The following SLC4A4 variants were observed in gnomAD, a reference collection of about 807,000 sequenced individuals.
The protein encoded by SLC4A4 is solute carrier family 4 member 4, also known as electrogenic sodium bicarbonate cotransporter 1.
SLC4A4 carries 27 observed loss-of-function variants against 111.5 expected under a neutral mutation model. The observed-to-expected ratio is 0.24, with a 90% CI of 0.18 to 0.33. The LOEUF (loss-of-function observed/expected upper bound fraction) is 0.33. Among genes scored for constraint, SLC4A4 ranks in the 10% least tolerant of loss-of-function variants. The pLI is 1.00. For synonymous variants in SLC4A4, 443 were observed against 463.4 expected, an observed-to-expected ratio of 0.96 and a Z score of 0.57; for missense variants, 909 against 1,315.5, an observed-to-expected ratio of 0.69 and a Z score of 4.78.
intron 13 of SLC4A4, among the ~76,000 whole-genome samples, chr4:71,467,645 A>G (rs1457869547): frequency 1.3e-5 from 2 of 152,102 alleles, no homozygotes; most frequent in Non-Finnish European, 2.9e-5. Flanking sequence ...TCTAATGGAC[A>G]TTGCAATTAT....
intron 3 of SLC4A4, among the ~76,000 whole-genome samples, chr4:71,281,724 T>C (rs1254374185): frequency 6.6e-6 from 1 of 152,202 alleles, no homozygotes; most frequent in Non-Finnish European, 1.5e-5. Context: ...TGTATTATAT[T>C]AAGTGTTTAA....
chr4:71,398,614 A>T (rs962726903), intron 7 of SLC4A4, among the ~76,000 whole-genome samples: 18 of 152,176 alleles, frequency 1.2e-4, no homozygotes, highest in African/African-American at 2.2e-4. Flanking sequence ...CAATATATTT[A>T]AAAAAATCAT....
intron 3 of SLC4A4, among the ~76,000 whole-genome samples, chr4:71,286,050 A>G (rs1375253706): frequency 1.3e-5 from 2 of 152,142 alleles, no homozygotes; most frequent in African/African-American, 4.8e-5. Context: ...CGTTCTGGCT[A>G]ACACAGTGAA....
At chr4:71,397,058 G>T (rs1319203624) in intron 6 of SLC4A4, among the ~76,000 whole-genome samples, 5 of 152,190 alleles carry the variant, frequency 3.3e-5, no homozygotes, top group Non-Finnish European at 7.4e-5. Context: ...GTTAGCCAGA[G>T]AAGGGAACAC....
At chr4:71,347,010 A>G (rs1229632390) in intron 4 of SLC4A4, among the ~76,000 whole-genome samples, 1 of 152,172 alleles carries the variant, frequency 6.6e-6, no homozygotes, top group Admixed American at 6.6e-5. Context: ...AGATTTTAAG[A>G]AACTGGCTAG....
chr4:71,477,685 A>C (rs1728492956), intron 14 of SLC4A4, among the ~76,000 whole-genome samples: 1 of 151,800 alleles, frequency 6.6e-6, no homozygotes. Context: ...TAATTTATTC[A>C]AAAGCATAAA....
chr4:71,557,361 T>G (rs1407793382), intron 21 of SLC4A4, among the ~76,000 whole-genome samples: 3 of 151,918 alleles, frequency 2.0e-5, no homozygotes, highest in Non-Finnish European at 4.4e-5. Context: ...ACATCTTCCT[T>G]CAGCATATTA....
At chr4:71,291,252 C>G (rs1052293004) in intron 3 of SLC4A4, among the ~76,000 whole-genome samples, 10 of 152,132 alleles carry the variant, frequency 6.6e-5, no homozygotes, top group African/African-American at 2.4e-4. Flanking sequence ...ATGGGTGCAG[C>G]ACACCAGCAT....
chr4:71,112,363 A>T (rs1743111811), intron 2 of SLC4A4, among the ~76,000 whole-genome samples: 1 of 152,208 alleles, frequency 6.6e-6, no homozygotes, highest in African/African-American at 2.4e-5. Flanking sequence ...TACTCATATT[A>T]TCTGAGTGTG....
chr4:71,420,049 G>A (rs866826505), intron 7 of SLC4A4, among the ~76,000 whole-genome samples: 16 of 152,302 alleles, frequency 1.1e-4, no homozygotes, highest in South Asian at 4.1e-4. Context: ...AGCTACCGGA[G>A]GAAATTCAAA....
intron 2 of SLC4A4, among the ~76,000 whole-genome samples, chr4:71,126,742 A>G (rs923774317): frequency 6.6e-6 from 1 of 152,232 alleles, no homozygotes; most frequent in African/African-American, 2.4e-5. Flanking sequence ...GTGAGAAACA[A>G]ATCTTTTGCT....
chr4:71,381,210 AGCTTTTCCATCTGTAAATGTCTT>A (rs1454134491), intron 6 of SLC4A4, among the ~76,000 whole-genome samples: 11 of 152,332 alleles, frequency 7.2e-5, no homozygotes, highest in African/African-American at 2.6e-4. Flanking sequence ...TATAATGACA[AGCTTTTCCATCTGTAAATGTCTT>A]GCTTTAAAAA....
At chr4:71,282,296 A>ATTT (rs762426176) in intron 3 of SLC4A4, among the ~76,000 whole-genome samples, 12 of 144,112 alleles carry the variant, frequency 8.3e-5, no homozygotes, top group Non-Finnish European at 1.7e-4. Context: ...CCTAAAGATG[A>ATTT]TTTTTTTTTT....
At chr4:71,266,006 T>A (rs1320942816) in intron 3 of SLC4A4, among the ~76,000 whole-genome samples, 2 of 152,144 alleles carry the variant, frequency 1.3e-5, no homozygotes, top group African/African-American at 4.8e-5. Flanking sequence ...TAAAATTCAG[T>A]TTATACTTTT....
chr4:71,082,748 A>T (rs898467916), intron 1 of SLC4A4, among the ~76,000 whole-genome samples: 2 of 151,534 alleles, frequency 1.3e-5, no homozygotes, highest in Admixed American at 6.6e-5. Flanking sequence ...TGTGTATGTA[A>T]CTCCCTGAGT....
At chr4:71,500,613 C>T (rs906985248) in intron 16 of SLC4A4, among the ~76,000 whole-genome samples, 5 of 152,130 alleles carry the variant, frequency 3.3e-5, no homozygotes, top group Admixed American at 1.3e-4. Context: ...AGCCACCCTG[C>T]GTGGCCTTAA....
chr4:71,332,983 G>A (rs557580655), intron 3 of SLC4A4, among the ~76,000 whole-genome samples: 4 of 152,316 alleles, frequency 2.6e-5, no homozygotes, highest in South Asian at 2.1e-4. Flanking sequence ...CTGTCTGAAA[G>A]GTCATATGTC....
At chr4:71,480,336 T>A (rs1285810512) in intron 14 of SLC4A4, among the ~76,000 whole-genome samples, 3 of 151,462 alleles carry the variant, frequency 2.0e-5, no homozygotes. Flanking sequence ...TCATTAAGTC[T>A]TGCTGAAAAT....
At chr4:71,532,292 C>T in intron 17 of SLC4A4, 117 bp downstream of exon 17, 1 of 736,494 alleles carries the variant, frequency 1.4e-6, no homozygotes, top group Non-Finnish European at 2.5e-6. Flanking sequence ...TATTTTTTTT[C>T]CAAAATCAGT....
Sources: gnomAD v4.1 joint callset for allele counts (sites outside exome capture counted in the v4.1 genomes callset) on GRCh38, gnomAD v4.1.1 for gene constraint, MANE v1.5 for transcripts, NCBI Gene and HGNC (gene_info 2026-07-23, HGNC 2026-07-21) for gene names.